DOCK8: variants seen among roughly 807,000 people sequenced by gnomAD.
DOCK8 encodes dedicator of cytokinesis 8, also known as dedicator of cytokinesis protein 8.
In DOCK8, 141 loss-of-function variants were observed where a neutral mutation model predicts 245.6. The observed-to-expected ratio is 0.57, with a 90% CI of 0.50 to 0.66. DOCK8 has a LOEUF of 0.66. Ranked by LOEUF, DOCK8 falls within the 30% of genes least tolerant of loss-of-function variation. The pLI, the probability that DOCK8 is intolerant of heterozygous loss-of-function variation, is 0.00. For synonymous variants in DOCK8, 1,168 were observed against 970.2 expected (o/e 1.20, Z -3.79); for missense variants, 2,965 against 2,603.4 (o/e 1.14, Z -3.02).
intron 14 of DOCK8, among the ~76,000 whole-genome samples, chr9:352,922 C>G (rs910614343): frequency 3.3e-5 from 5 of 151,908 alleles, no homozygotes; most frequent in African/African-American, 1.2e-4. Flanking sequence ...CATTCAGGGA[C>G]AAAGGGAGCA....
chr9:348,500 C>T (rs895933558), intron 14 of DOCK8, among the ~76,000 whole-genome samples: 1 of 152,178 alleles, frequency 6.6e-6, no homozygotes, highest in African/African-American at 2.4e-5. Flanking sequence ...CATTTTTCCA[C>T]TGTCCTTTAC....
intron 14 of DOCK8, chr9:365,841 G>C (rs1313636032): frequency 2.8e-6 from 1 of 358,902 alleles, no homozygotes. Context: ...GCAGAGAGGG[G>C]TCTGTACCCC....
intron 1 of DOCK8, among the ~76,000 whole-genome samples, chr9:249,522 G>A (rs2047597233): frequency 6.6e-6 from 1 of 152,060 alleles, no homozygotes; most frequent in South Asian, 2.1e-4. Flanking sequence ...ACTATTAAGA[G>A]TAATACAATT....
At chr9:386,001 G>C (rs2053934801) in intron 22 of DOCK8, among the ~76,000 whole-genome samples, 2 of 152,102 alleles carry the variant, frequency 1.3e-5, no homozygotes, top group African/African-American at 4.8e-5. Context: ...AAACCACAGA[G>C]AGACACTGTT....
chr9:412,952 A>G (rs2055815099), intron 28 of DOCK8, among the ~76,000 whole-genome samples: 2 of 152,032 alleles, frequency 1.3e-5, no homozygotes, highest in South Asian at 4.1e-4. Flanking sequence ...AGTATAGCCA[A>G]AACAACCTTG....
intron 14 of DOCK8, chr9:366,146 T>C (rs1326188025): frequency 1.3e-5 from 2 of 158,704 alleles, no homozygotes; most frequent in African/African-American, 4.8e-5. Context: ...CAGAATTCTA[T>C]GCTGATCCCT....
chr9:251,972 C>CTTTTT (rs34456943), intron 1 of DOCK8, among the ~76,000 whole-genome samples: 2 of 130,612 alleles, frequency 1.5e-5, no homozygotes, highest in Non-Finnish European at 1.6e-5. Context: ...ATTGTGTTTT[C>CTTTTT]TTTTTTTTTT....
intron 7 of DOCK8, among the ~76,000 whole-genome samples, chr9:317,951 C>T (rs922758893): frequency 2.8e-5 from 4 of 144,676 alleles, no homozygotes; most frequent in South Asian, 4.6e-4. Flanking sequence ...TGCATCCAAA[C>T]GTTTCAATTG....
At chr9:278,156 G>A (rs12347052) in intron 2 of DOCK8, among the ~76,000 whole-genome samples, 21,174 of 152,134 alleles carry the variant, frequency 0.14, 3,115 homozygotes, top group African/African-American at 0.37. Context: ...CAGAGCAGAC[G>A]TTTCTTTATT....
chr9:377,078 G>A lies in DOCK8; in HGVS notation c.2307G>A (p.Leu769=). Residue 769 remains leucine (L), a synonymous_variant, in exon 20 of 48, where the codon CTG becomes CTA. Transcript: ENST00000432829. ...VLDQKISEMA[L]EHELKLSIIC... is the part of the protein sequence containing the mutation. ...ATCAGAAAATCAGCGAGATGGCGCT[G>A]GAGCATGAGCTGAAGCTCAGCATCA... 2 of 1,613,102 alleles carry A rather than the reference G, an allele frequency of 1.2e-6. No individual in the cohort carries two copies. The highest frequency in any genetic ancestry group is 1.7e-6 in the Non-Finnish European group (2 of 1,179,962).
intron 23 of DOCK8, among the ~76,000 whole-genome samples, chr9:387,564 C>T (rs980125255): frequency 6.6e-5 from 10 of 152,206 alleles, no homozygotes; most frequent in African/African-American, 2.4e-4. Context: ...GGGAATGAGC[C>T]TCCCCAAGTC....
chr9:280,620 C>G (rs12346608), intron 2 of DOCK8, among the ~76,000 whole-genome samples: 2,506 of 152,308 alleles, frequency 0.016, 71 homozygotes, highest in African/African-American at 0.057. Flanking sequence ...CTGGCTAAGT[C>G]AGGCCCACCC....
intron 26 of DOCK8, among the ~76,000 whole-genome samples, chr9:400,151 TCACCACCACCACCACCTC>T (rs1564012454): frequency 9.6e-3 from 115 of 11,926 alleles, no homozygotes; most frequent in African/African-American, 0.042. Flanking sequence ...ACCTCCACCA[TCACCACCACCACCACCTC>T]CACCATCACC....
At chr9:287,147 A>C (rs929160303) in intron 3 of DOCK8, among the ~76,000 whole-genome samples, 14 of 152,220 alleles carry the variant, frequency 9.2e-5, no homozygotes, top group Admixed American at 6.5e-5. Flanking sequence ...AGATAAAAAG[A>C]TGAATAAGTC....
upstream of DOCK8, chr9:213,105 C>T (rs1343129022): frequency 1.3e-5 from 2 of 152,154 alleles, no homozygotes; most frequent in African/African-American, 4.8e-5. Context: ...AAGTCAGAAA[C>T]TCTAAATTTC....
In DOCK8 at chr9:377,401, A is replaced by T. The variant is rs58134639; in HGVS notation, c.2440+190A>T. On this transcript the variant is annotated intron_variant, in intron 20 of 47. Coordinates refer to ENST00000432829, the MANE Select transcript of DOCK8 (RefSeq NM_203447.4). ...TCTCTGCATGTTGGAAAGAAAAAGAAACATTAAAATAGGGTTCTTAATATT... is the reference window on the plus strand; with the variant it reads ...TCTCTGCATGTTGGAAAGAAAAAGATACATTAAAATAGGGTTCTTAATATT... Among the ~76,000 whole-genome samples, 7,235 of 152,310 alleles carry T rather than the reference A, an allele frequency of 0.048. 242 individuals are homozygous for T. The highest frequency in any genetic ancestry group is 0.086 in the African/African-American group (3,567 of 41,566).
intron 30 of DOCK8, among the ~76,000 whole-genome samples, chr9:418,412 C>G (rs746591516): frequency 6.6e-6 from 1 of 152,044 alleles, no homozygotes; most frequent in Non-Finnish European, 1.5e-5. Flanking sequence ...TACAGGCGTG[C>G]ACCACCACAC....
intron 1 of DOCK8, among the ~76,000 whole-genome samples, chr9:264,370 C>T (rs1563851894): frequency 6.6e-6 from 1 of 152,208 alleles, no homozygotes; most frequent in Non-Finnish European, 1.5e-5. Flanking sequence ...TTGGGACACC[C>T]CTGTGAGGAA....
chr9:234,080 A>G (rs1587631459), intron 1 of DOCK8, among the ~76,000 whole-genome samples: 1 of 152,090 alleles, frequency 6.6e-6, no homozygotes, highest in African/African-American at 2.4e-5. Flanking sequence ...GAGCTCTTGT[A>G]GGGCAGGCCT....
Sources: allele counts gnomAD v4.1 joint callset (sites outside exome capture counted in the v4.1 genomes callset), GRCh38; gene constraint gnomAD v4.1.1; transcripts MANE v1.5; gene names NCBI Gene and HGNC (gene_info 2026-07-23, HGNC 2026-07-21).